Variants in DMBX1 observed in about 807,000 individuals in gnomAD.
The protein encoded by DMBX1 is diencephalon/mesencephalon homeobox 1.
A neutral mutation model predicts 30.4 loss-of-function variants in DMBX1; 7 were observed. The ratio of observed to expected loss-of-function variants is 0.23; its 90% CI spans 0.13 to 0.43. The LOEUF (loss-of-function observed/expected upper bound fraction) is 0.43. Among genes scored for constraint, DMBX1 ranks in the 20% least tolerant of loss-of-function variants. DMBX1 has a pLI of 1.00. For synonymous variants in DMBX1, 222 were observed against 214.2 expected (o/e 1.04, Z -0.32); for missense variants, 460 against 508.5 (o/e 0.90, Z 0.92).
intron 2 of DMBX1, among the ~76,000 whole-genome samples, chr1:46,497,978 A>G (rs1200001893): frequency 6.6e-6 from 1 of 152,190 alleles, no homozygotes; most frequent in African/African-American, 2.4e-5. Context: ...TGGAGTGTGC[A>G]GTGGACTGAG....
At chr1:46,497,919 C>T (rs72892797) in intron 2 of DMBX1, among the ~76,000 whole-genome samples, 2,932 of 152,314 alleles carry the variant, frequency 0.019, 99 homozygotes, top group African/African-American at 0.067. Context: ...TCTCCTGGCT[C>T]GCCAGGAATT....
At chr1:46,511,328 C>G (rs1291637014) in intron 5 of DMBX1, 45 bp downstream of exon 5, 1 of 1,473,816 alleles carries the variant, frequency 6.8e-7, no homozygotes, top group Admixed American at 2.4e-5. Context: ...TCTGGGGGCC[C>G]TGAGCGTGTG....
At chr1:46,494,620 C>T (rs1665994690) in intron 2 of DMBX1, among the ~76,000 whole-genome samples, 1 of 152,172 alleles carries the variant, frequency 6.6e-6, no homozygotes. Flanking sequence ...TTCTCCTATC[C>T]ACTGGGCCCC....
At chr1:46,499,699 C>T (rs1219819862) in intron 2 of DMBX1, among the ~76,000 whole-genome samples, 1 of 152,178 alleles carries the variant, frequency 6.6e-6, no homozygotes, top group African/African-American at 2.4e-5. Flanking sequence ...CTGCGCTAGA[C>T]CCTGTGATCT....
chr1:46,490,595 G>C (rs1045672704), intron 1 of DMBX1, among the ~76,000 whole-genome samples, 49 bp from the exon 2 acceptor site: 7 of 152,204 alleles, frequency 4.6e-5, no homozygotes, highest in Admixed American at 2.6e-4. Flanking sequence ...CGCGAACCCC[G>C]CAGTGCTCCG....
At chr1:46,498,381 T>A (rs549567829) in intron 2 of DMBX1, among the ~76,000 whole-genome samples, 2 of 152,368 alleles carry the variant, frequency 1.3e-5, no homozygotes, top group African/African-American at 4.8e-5. Flanking sequence ...GCACCAACTG[T>A]ATGCCAGGCT....
rs1666251939 is a variant in DMBX1 at position 46,507,102 on chromosome 1, C to T, written c.92C>T (p.Ala31Val). ...CTGCACCAGCAGGCAGCCCAGCAGG[C>T]CCAGCATGCCCCCGACTACCGGCCT... is the stretch of plus-strand genomic sequence containing the variant. ...YNLHQQAAQQ[A>V]QHAPDYRPSV... Residue 31 changes from alanine to valine, a missense_variant, in exon 3 of 6, where the codon GCC (alanine) becomes GTC (valine). By Grantham distance (64) the Ala-to-Val change is moderately conservative (BLOSUM62 0). Transcript: ENST00000360032. The T allele has an allele frequency of 6.2e-7, 1 of 1,614,242 alleles. No individual in the cohort carries two copies. Among genetic ancestry groups the T allele is most frequent in the Non-Finnish European group, 8.5e-7 (1 of 1,180,044 alleles).
rs1278921777 is a variant in DMBX1, at chr1:46,511,268, G to T, written c.667G>T (p.Gly223Cys). 8 of 1,593,880 alleles carry T rather than the reference G, an allele frequency of 5.0e-6. No individual in the cohort carries two copies. The highest frequency in any genetic ancestry group is 1.1e-5 in the South Asian group (1 of 88,612). Residue 223 changes from glycine to cysteine, a missense_variant, in exon 5 of 6, where the codon GGC becomes TGC. By Grantham distance (159) the Gly-to-Cys change is radical. This residue lies in a region of DMBX1 where 334 missense variants were observed against 345.1 expected (regional missense o/e 0.97). Coordinates refer to ENST00000360032, the MANE Select transcript of DMBX1 (RefSeq NM_172225.2). ...CAGCAAGGGGCTGGGCTGCAAGAGG[G>T]GCAGCCCCAAGGCAGGTGAGGTCTG... The part of the protein sequence containing the change: ...ADSKGLGCKR[G>C]SPKADSPGSL...
rs1666337467 is a variant in DMBX1, at chr1:46,510,310, AG to A, written c.155-165del. On this transcript the variant is annotated intron_variant, in intron 3 of 5. Transcript: ENST00000360032. This position sits in a 1 kb window ranked among gnomAD's most constrained non-coding sequence, Gnocchi z 4.1. ...GGGTGGAGAGACCTTGAAAGCCCAC[AG>A]CCATATGGAGAGGGGATGGCTGATT... is the stretch of plus-strand genomic sequence containing the variant. 3 of 796,976 alleles carry A rather than the reference AG, an allele frequency of 3.8e-6. No individual in the cohort carries two copies. In the South Asian group the frequency reaches 5.6e-5, roughly 15 times the overall value. 49.4% of individuals were successfully genotyped at this position (796,976 alleles called of 1,614,324 possible). A position where few individuals can be genotyped will look rare whatever the true frequency, so the allele number is the denominator to read the frequency against.
At chr1:46,502,007 C>T (rs575120920) in intron 2 of DMBX1, among the ~76,000 whole-genome samples, 1 of 152,212 alleles carries the variant, frequency 6.6e-6, no homozygotes, top group East Asian at 1.9e-4. Context: ...GGTGTAAATT[C>T]TTCATCTCAC....
rs12058191 is a variant in DMBX1 at position 46,493,038 on chromosome 1, A to G, written c.-13+2255A>G. Among the ~76,000 whole-genome samples, 7,505 of 152,040 alleles carry G rather than the reference A, an allele frequency of 0.049. 491 individuals are homozygous for G. Among genetic ancestry groups the G allele is most frequent in the East Asian group, 0.23 (1,202 of 5,160 alleles). On this transcript the variant is annotated intron_variant, in intron 2 of 5. Coordinates refer to ENST00000360032, the MANE Select transcript of DMBX1 (RefSeq NM_172225.2). This position sits in a 1 kb window ranked among gnomAD's most constrained non-coding sequence, Gnocchi z 4.1. Reference sequence around the variant, plus strand: ...CGAAGTTACTCCTCCTCCTCCGGCCAGTCCCAGTTCCTCAAGGAGCCAGTC... The same window carrying G: ...CGAAGTTACTCCTCCTCCTCCGGCCGGTCCCAGTTCCTCAAGGAGCCAGTC...
rs1488678583 is a variant in DMBX1, at chr1:46,491,053, G to C, written c.-13+270G>C. The stretch of plus-strand genomic sequence containing the variant: ...CCTGATGGACTGTGCAGGGTCCCGG[G>C]CACCACCGGCTGAACTTTCTGGCGG... On this transcript the variant is annotated intron_variant, in intron 2 of 5. Coordinates refer to ENST00000360032, the MANE Select transcript of DMBX1 (RefSeq NM_172225.2). This position sits in a 1 kb window ranked among gnomAD's most constrained non-coding sequence, Gnocchi z 5.5. Among the ~76,000 whole-genome samples, 1 of 152,216 alleles carries C rather than the reference G, an allele frequency of 6.6e-6. No homozygotes were observed. The highest frequency in any genetic ancestry group is 1.5e-5 in the Non-Finnish European group (1 of 68,032).
In DMBX1 at chr1:46,491,797, CG is replaced by C. The variant is rs1474162333; in HGVS notation, c.-13+1015del. 6.6e-6 allele frequency among the ~76,000 whole-genome samples: 1 copy of C among 151,944 alleles called. No individual in the cohort carries two copies. The highest frequency in any genetic ancestry group is 1.5e-5 in the Non-Finnish European group (1 of 67,976). On this transcript the variant is annotated intron_variant, in intron 2 of 5. Transcript: ENST00000360032. The surrounding 1 kb of genome is among the most constrained non-coding windows in gnomAD (Gnocchi z 5.5). ...TTACCCACATCCCTGGTTCTCCCCT[CG>C]AATGGAAAGGCACTCTGGCCTAAGG...
rs1437667342 is a variant in DMBX1 at position 46,508,773 on chromosome 1, G to T, written c.154+1609G>T. On this transcript the variant is annotated intron_variant, in intron 3 of 5. Transcript: ENST00000360032. Reference sequence around the variant, plus strand: ...CCTTCCAGCAGAGGCTCTGCCGGCGGTTTAGAGAGCCTGGCTTCCCTGTGA... The same window carrying T: ...CCTTCCAGCAGAGGCTCTGCCGGCGTTTTAGAGAGCCTGGCTTCCCTGTGA... Among the ~76,000 whole-genome samples, 9 of 152,248 alleles carry T rather than the reference G, an allele frequency of 5.9e-5. No homozygotes were observed. The South Asian group carries it at 1.2e-3, about 21-fold the overall frequency.
At chr1:46,506,771 A>T (rs1355617500) in intron 2 of DMBX1, among the ~76,000 whole-genome samples, 1 of 152,200 alleles carries the variant, frequency 6.6e-6, no homozygotes, top group Non-Finnish European at 1.5e-5. Context: ...CAGAGCCCTA[A>T]ACCCACACTG....
chr1:46,497,465 T>C (rs979387998), intron 2 of DMBX1, among the ~76,000 whole-genome samples: 2 of 152,198 alleles, frequency 1.3e-5, no homozygotes, highest in Non-Finnish European at 2.9e-5. Flanking sequence ...GTAAAGTTTT[T>C]CTGCCTTGTT....
At chr1:46,511,562 C>T (rs1325525118) in intron 5 of DMBX1, among the ~76,000 whole-genome samples, 33 of 152,162 alleles carry the variant, frequency 2.2e-4, no homozygotes. Context: ...ATTTTAACAA[C>T]CAGTTGGATG....
chr1:46,494,955 G>C (rs756739542), intron 2 of DMBX1, among the ~76,000 whole-genome samples: 2 of 152,186 alleles, frequency 1.3e-5, no homozygotes, highest in Non-Finnish European at 2.9e-5. Context: ...CCAAGGTGAG[G>C]GCAGTGACCA....
chr1:46,502,627 C>T (rs1666159043), intron 2 of DMBX1, among the ~76,000 whole-genome samples: 1 of 152,178 alleles, frequency 6.6e-6, no homozygotes, highest in Non-Finnish European at 1.5e-5. Flanking sequence ...TGGTTCACGC[C>T]TGTAATTCCA....
Sources: allele counts gnomAD v4.1 joint callset (sites outside exome capture counted in the v4.1 genomes callset), GRCh38; gene constraint gnomAD v4.1.1; regional missense constraint gnomAD v4.1.1; non-coding constraint Gnocchi (gnomAD v3.1); transcripts MANE v1.5; gene names NCBI Gene and HGNC (gene_info 2026-07-23, HGNC 2026-07-21).